The following SCAF8 variants were observed in gnomAD, a reference collection of about 807,000 sequenced individuals.
SCAF8 encodes SR-related and CTD-associated factor 8.
SCAF8 carries 23 observed loss-of-function variants against 140.5 expected under a neutral mutation model. That is an observed-to-expected ratio of 0.16 (90% CI 0.12 to 0.23). SCAF8 has a LOEUF of 0.23. Ranked by LOEUF, SCAF8 falls within the 10% of genes least tolerant of loss-of-function variation. The probability of loss-of-function intolerance (pLI) is 1.00; values close to 1 mark genes in which losing one functional copy is unlikely to be tolerated. For synonymous variants in SCAF8, 575 were observed against 528.9 expected, an observed-to-expected ratio of 1.09 and a Z score of -1.20; for missense variants, 1,397 against 1,555.7, an observed-to-expected ratio of 0.90 and a Z score of 1.72.
intron 1 of SCAF8, among the ~76,000 whole-genome samples, chr6:154,737,221 T>A (rs545863647): frequency 6.6e-6 from 1 of 152,336 alleles, no homozygotes; most frequent in South Asian, 2.1e-4. Flanking sequence ...TTTAAAGGTG[T>A]TTATCTTTGG....
chr6:154,741,413 T>G (rs958613221), intron 1 of SCAF8, among the ~76,000 whole-genome samples: 3 of 151,926 alleles, frequency 2.0e-5, no homozygotes, highest in Non-Finnish European at 4.4e-5. Context: ...ATCATTTGCT[T>G]CTTTTTTTTT....
chr6:154,779,275 A>G (rs1583026956), intron 3 of SCAF8, among the ~76,000 whole-genome samples: 1 of 152,048 alleles, frequency 6.6e-6, no homozygotes, highest in Non-Finnish European at 1.5e-5. Flanking sequence ...ACCTCAAATG[A>G]TCCATGTGTC....
chr6:154,783,641 C>G (rs968435868), intron 3 of SCAF8, among the ~76,000 whole-genome samples: 9 of 152,100 alleles, frequency 5.9e-5, no homozygotes, highest in African/African-American at 2.2e-4. Flanking sequence ...GAAAGTTGAT[C>G]TGGTAGCTGT....
Position 154,831,089 on chromosome 6 carries a change from G to A in SCAF8, c.2308G>A (p.Val770Ile). The A allele has an allele frequency of 6.2e-7, 1 of 1,613,714 alleles. No homozygotes were observed. ...TAAACAGGCAGAGCCTGAAGAAAAA[G>A]TACCTCATCTTATAGACCACCAGAT... ...PTKQAEPEEK[V>I]PHLIDHQISS... Residue 770 changes from valine to isoleucine, a missense_variant, in exon 19 of 20, where the codon GTA (valine) becomes ATA (isoleucine). Coordinates refer to ENST00000367178, the MANE Select transcript of SCAF8 (RefSeq NM_014892.5).
chr6:154,739,615 A>G (rs1346214475), intron 1 of SCAF8, among the ~76,000 whole-genome samples: 2 of 152,218 alleles, frequency 1.3e-5, no homozygotes, highest in Admixed American at 1.3e-4. Flanking sequence ...TGTTACCTTT[A>G]GTTATATTTA....
intron 1 of SCAF8, among the ~76,000 whole-genome samples, chr6:154,738,878 C>T (rs1467182320): frequency 2.0e-5 from 3 of 152,102 alleles, no homozygotes; most frequent in African/African-American, 7.2e-5. Flanking sequence ...GGATCTTGTT[C>T]TATTGTTTTT....
intron 1 of SCAF8, among the ~76,000 whole-genome samples, chr6:154,758,351 T>G (rs1482491625): frequency 2.0e-5 from 3 of 152,196 alleles, no homozygotes; most frequent in Non-Finnish European, 4.4e-5. Flanking sequence ...TGCCTTTTTG[T>G]GGTGGTTCCA....
intron 1 of SCAF8, among the ~76,000 whole-genome samples, chr6:154,747,266 C>G (rs1441377404): frequency 6.6e-6 from 1 of 152,076 alleles, no homozygotes; most frequent in African/African-American, 2.4e-5. Context: ...GTAATCCCAG[C>G]GCTTTGGGAG....
At chr6:154,796,351 T>TG (rs2114887181) in intron 6 of SCAF8, among the ~76,000 whole-genome samples, 1 of 86,644 alleles carries the variant, frequency 1.2e-5, no homozygotes, top group African/African-American at 6.0e-5. Flanking sequence ...ATTGCAATCC[T>TG]GTTCTCTCTC....
intron 1 of SCAF8, among the ~76,000 whole-genome samples, chr6:154,768,073 A>C (rs879534727): frequency 6.6e-6 from 1 of 152,236 alleles, no homozygotes; most frequent in African/African-American, 2.4e-5. Context: ...AAGGTATTTC[A>C]TAAAAAGTTT....
In SCAF8 at chr6:154,832,637, C is replaced by T. The variant is rs751469556; in HGVS notation, c.3058C>T (p.Pro1020Ser). 3 of 1,613,992 alleles carry T rather than the reference C, an allele frequency of 1.9e-6. No individual in the cohort carries two copies. Among genetic ancestry groups the T allele is most frequent in the African/African-American group, 1.3e-5 (1 of 75,010 alleles). Residue 1020 changes from proline to serine, a missense_variant, in exon 20 of 20, where the codon CCT becomes TCT. Pro to Ser is a moderately conservative substitution (Grantham distance 74, BLOSUM62 -1). Around this residue, in one of 5 missense-constraint regions of SCAF8, gnomAD observed 930 missense variants for 874.6 expected, o/e 1.06. Coordinates refer to ENST00000367178, the MANE Select transcript of SCAF8 (RefSeq NM_014892.5). ...AGGAGATAGAGATTACCGGTTTCCT[C>T]CTATAGAAACCAGGGAAAGCATTAG... ...QEGDRDYRFP[P>S]IETRESISRP...
At chr6:154,770,259 G>A (rs1776696453) in intron 1 of SCAF8, among the ~76,000 whole-genome samples, 1 of 151,902 alleles carries the variant, frequency 6.6e-6, no homozygotes, top group Admixed American at 6.6e-5. Context: ...TGTAAGACTA[G>A]CCTGGGCAAC....
At chr6:154,763,277 A>G (rs965635629) in intron 1 of SCAF8, among the ~76,000 whole-genome samples, 2 of 152,180 alleles carry the variant, frequency 1.3e-5, no homozygotes, top group Non-Finnish European at 2.9e-5. Flanking sequence ...TCTTGAATTC[A>G]AAGTATGAAG....
chr6:154,794,780 GGT>G (rs1183671310), intron 5 of SCAF8, among the ~76,000 whole-genome samples: 661 of 12,464 alleles, frequency 0.053, 28 homozygotes, highest in Non-Finnish European at 0.063. Flanking sequence ...GGGTGTGGGG[GGT>G]GTGTGTGTGT....
intron 15 of SCAF8, among the ~76,000 whole-genome samples, chr6:154,821,824 G>A (rs1778430280): frequency 6.6e-6 from 1 of 152,210 alleles, no homozygotes. Flanking sequence ...CTTTGAATAA[G>A]ATGGAGAAGC....
intron 1 of SCAF8, among the ~76,000 whole-genome samples, chr6:154,770,224 C>T (rs936793923): frequency 7.2e-5 from 11 of 151,880 alleles, no homozygotes; most frequent in African/African-American, 1.7e-4. Context: ...GAGGCCGAGG[C>T]GGGCAGATGA....
At position 154,813,894 on chromosome 6, in the gene SCAF8, T is replaced by C. The variant is rs150477161; in HGVS notation, c.1421-1822T>C. On this transcript the variant is annotated intron_variant, in intron 12 of 19. Transcript: ENST00000367178. ...TGAGCCAAGGAAGGCAGGCAGCTTG[T>C]AGAACCTAGCAAAGGTAAGGAAACA... 2.0e-5 allele frequency among the ~76,000 whole-genome samples: 3 copies of C among 152,312 alleles called. No homozygotes were observed. The East Asian group carries it at 5.8e-4, about 29-fold the overall frequency.
intron 1 of SCAF8, among the ~76,000 whole-genome samples, chr6:154,742,262 CTTTTG>C (rs1562421704): frequency 1.3e-5 from 2 of 151,930 alleles, no homozygotes; most frequent in Admixed American, 1.3e-4. Context: ...TATATATAAA[CTTTTG>C]TTATGTTTAC....
intron 16 of SCAF8, among the ~76,000 whole-genome samples, 192 bp downstream of exon 16, chr6:154,822,601 AAC>A (rs2114678387): frequency 6.6e-6 from 1 of 152,320 alleles, no homozygotes; most frequent in Non-Finnish European, 1.5e-5. Flanking sequence ...TTGTGCTATA[AAC>A]ACCTTAGGTT....
Sources: allele counts gnomAD v4.1 joint callset (sites outside exome capture counted in the v4.1 genomes callset), GRCh38; gene constraint gnomAD v4.1.1; regional missense constraint gnomAD v4.1.1; transcripts MANE v1.5; gene names NCBI Gene and HGNC (gene_info 2026-07-23, HGNC 2026-07-21).